HIVEP3: variants seen among roughly 807,000 people sequenced by gnomAD.
The protein encoded by HIVEP3 is HIVEP zinc finger 3.
A neutral mutation model predicts 152.8 loss-of-function variants in HIVEP3; 49 were observed. That is an observed-to-expected ratio of 0.32 (90% CI 0.26 to 0.41). The LOEUF is 0.41. Among genes scored for constraint, HIVEP3 ranks in the 10% least tolerant of loss-of-function variants. The probability of loss-of-function intolerance (pLI) is 1.00; values close to 1 mark genes in which losing one functional copy is unlikely to be tolerated. For synonymous variants in HIVEP3, 1,269 were observed against 1,289.0 expected (o/e 0.98, Z 0.33); for missense variants, 2,790 against 3,103.3 (o/e 0.90, Z 2.40).
chr1:41,722,087 C>T lies in HIVEP3; in HGVS notation c.-800-21092G>A, dbSNP rs540885125. On this transcript the variant is annotated intron_variant, in intron 1 of 8. Coordinates refer to ENST00000372583, the MANE Select transcript of HIVEP3 (RefSeq NM_024503.5). ...CCAAGCAGGCTGCCCCTACCCCTGCCCCTGGGATCTCTACCTCCCCACCTG... is the reference window on the plus strand; with the variant it reads ...CCAAGCAGGCTGCCCCTACCCCTGCTCCTGGGATCTCTACCTCCCCACCTG... Among the ~76,000 whole-genome samples, 15 of 152,294 alleles carry T rather than the reference C, an allele frequency of 9.8e-5. No homozygotes were observed. In the South Asian group the frequency reaches 3.1e-3, roughly 32 times the overall value.
chr1:41,871,936 T>A (rs1644087656), intron 1 of HIVEP3, among the ~76,000 whole-genome samples: 1 of 152,216 alleles, frequency 6.6e-6, no homozygotes, highest in African/African-American at 2.4e-5. Flanking sequence ...ATTTTATATG[T>A]TAGTTTTCCT....
At chr1:41,555,987 G>C (rs1643960133) in intron 5 of HIVEP3, among the ~76,000 whole-genome samples, 1 of 152,132 alleles carries the variant, frequency 6.6e-6, no homozygotes, top group Non-Finnish European at 1.5e-5. Flanking sequence ...AAGGTTGAGT[G>C]GTATTTCATT....
chr1:41,676,698 T>G (rs897252997), intron 2 of HIVEP3, among the ~76,000 whole-genome samples: 1 of 152,232 alleles, frequency 6.6e-6, no homozygotes, highest in Non-Finnish European at 1.5e-5. Flanking sequence ...CTCAGGAAAC[T>G]GCCCCCCAAC....
At chr1:41,638,167 T>C (rs1475415087) in intron 2 of HIVEP3, among the ~76,000 whole-genome samples, 2 of 151,112 alleles carry the variant, frequency 1.3e-5, no homozygotes, top group African/African-American at 4.9e-5. Context: ...AATATATCCA[T>C]GTAACAAAAT....
At chr1:41,623,906 G>A (rs746229629) in intron 3 of HIVEP3, among the ~76,000 whole-genome samples, 129 of 143,504 alleles carry the variant, frequency 9.0e-4, no homozygotes, top group Non-Finnish European at 1.7e-3. Flanking sequence ...GCCGATCAGA[G>A]TGACGTGTAT....
At chr1:41,565,326 G>C (rs1445539648) in intron 5 of HIVEP3, among the ~76,000 whole-genome samples, 6 of 151,596 alleles carry the variant, frequency 4.0e-5, no homozygotes, top group Non-Finnish European at 8.8e-5. Context: ...ACATTATGTA[G>C]AGATATGGCA....
chr1:41,805,383 A>G (rs576315528), intron 1 of HIVEP3, among the ~76,000 whole-genome samples: 4 of 152,352 alleles, frequency 2.6e-5, no homozygotes, highest in African/African-American at 9.6e-5. Flanking sequence ...ACAATTTTTA[A>G]TATTCCAATT....
chr1:41,878,039 C>A (rs1644198670), intron 1 of HIVEP3, among the ~76,000 whole-genome samples: 1 of 152,178 alleles, frequency 6.6e-6, no homozygotes, highest in African/African-American at 2.4e-5. Flanking sequence ...ACTATTCCTG[C>A]ATATGAGATT....
intron 5 of HIVEP3, chr1:41,535,433 TG>T (rs1354398223): frequency 1.3e-5 from 2 of 152,242 alleles, no homozygotes; most frequent in African/African-American, 4.8e-5. Context: ...GGCAGCCCTT[TG>T]GAGGCCTACG....
At position 41,935,240 on chromosome 1, in the gene HIVEP3, G is replaced by C. The variant is rs144938097; in HGVS notation, n.120-16716C>G. ...AACTCAGTGAGAGAAGTGGGACTCA[G>C]AGGGACTAAGAAACTCGTCAAATCC... On this transcript the variant is annotated intron_variant and non_coding_transcript_variant, in intron 1 of 3. Transcript: ENST00000489103. Among the ~76,000 whole-genome samples, 310 of 152,244 alleles carry C rather than the reference G, an allele frequency of 2.0e-3. 1 individual carries two copies. The highest frequency in any genetic ancestry group is 7.0e-3 in the African/African-American group (289 of 41,558).
intron 3 of HIVEP3, among the ~76,000 whole-genome samples, chr1:41,592,428 C>G (rs946149029): frequency 6.6e-6 from 1 of 152,210 alleles, no homozygotes; most frequent in African/African-American, 2.4e-5. Flanking sequence ...AAAATACTGG[C>G]CACATTTCCT....
chr1:41,735,389 C>G (rs1040892019), intron 1 of HIVEP3, among the ~76,000 whole-genome samples: 1 of 152,212 alleles, frequency 6.6e-6, no homozygotes, highest in Non-Finnish European at 1.5e-5. Context: ...CTTCTCACAT[C>G]TGATTGAATC....
chr1:42,028,524 G>A (rs1645594817), intron 1 of HIVEP3, among the ~76,000 whole-genome samples: 1 of 152,038 alleles, frequency 6.6e-6, no homozygotes, highest in Non-Finnish European at 1.5e-5. Flanking sequence ...CCTGCCTGAG[G>A]CTCCTCAGCT....
chr1:41,712,932 A>G (rs1393403441), intron 1 of HIVEP3, among the ~76,000 whole-genome samples: 1 of 152,210 alleles, frequency 6.6e-6, no homozygotes, highest in African/African-American at 2.4e-5. Flanking sequence ...GCCTCCTGAC[A>G]CAGCGGGGCA....
In HIVEP3 at chr1:41,888,037, CTTTTTT is replaced by C. The variant is rs759423194; in HGVS notation, c.-801+30370_-801+30375del. ...GGCTCTACTGTTAAGCCCAGCTGAA[CTTTTTT>C]TTTTTTTTTTTTTTGAGACTGAGTC... On this transcript the variant is annotated intron_variant, in intron 1 of 8. Coordinates refer to ENST00000372583, the MANE Select transcript of HIVEP3 (RefSeq NM_024503.5). Among the ~76,000 whole-genome samples the C allele has an allele frequency of 2.8e-4, 34 of 121,304 alleles. No homozygotes were observed. In the East Asian group the frequency reaches 8.0e-3, roughly 29 times the overall value. 79.6% of individuals were successfully genotyped at this position (121,304 alleles called of 152,430 possible).
intron 1 of HIVEP3, among the ~76,000 whole-genome samples, chr1:41,740,119 T>C (rs1443133390): frequency 6.6e-6 from 1 of 152,210 alleles, no homozygotes; most frequent in African/African-American, 2.4e-5. Context: ...GGTCTCCCCA[T>C]ACTCAACCTA....
At position 41,581,007 on chromosome 1, in the gene HIVEP3, C is replaced by G; in HGVS notation, c.3791G>C (p.Ser1264Thr). ...VESHLPQIKT[S>T]LAPLATGSAG... is the part of the protein sequence containing the mutation. ...ACTTCCTGTTGCCAGTGGGGCCAGG[C>G]TGGTTTTGATCTGGGGCAGATGGCT... The change falls in exon 4 of 9, where the codon AGC becomes ACC. Residue 1264 changes from serine (S) to threonine (T), a missense_variant. Around this residue, in one of 9 missense-constraint regions of HIVEP3, gnomAD observed 1,078 missense variants for 1,165.3 expected, o/e 0.93. Coordinates refer to ENST00000372583, the MANE Select transcript of HIVEP3 (RefSeq NM_024503.5). The surrounding 1 kb of genome is among the most constrained non-coding windows in gnomAD (Gnocchi z 4.5). 1.3e-6 allele frequency: 2 copies of G among 1,568,796 alleles called. No individual in the cohort carries two copies. The highest frequency in any genetic ancestry group is 1.7e-6 in the Non-Finnish European group (2 of 1,157,012).
chr1:41,551,408 G>T (rs1643892946), intron 5 of HIVEP3, among the ~76,000 whole-genome samples: 1 of 152,102 alleles, frequency 6.6e-6, no homozygotes, highest in African/African-American at 2.4e-5. Context: ...GAGTTAGGGA[G>T]GATTCCTTCT....
intron 1 of HIVEP3, among the ~76,000 whole-genome samples, chr1:42,016,211 C>T (rs1190661422): frequency 6.6e-6 from 1 of 152,128 alleles, no homozygotes; most frequent in Non-Finnish European, 1.5e-5. Context: ...TCTCTATGTG[C>T]TCCTCATTGT....
Sources: allele counts gnomAD v4.1 joint callset (sites outside exome capture counted in the v4.1 genomes callset), GRCh38; gene constraint gnomAD v4.1.1; regional missense constraint gnomAD v4.1.1; non-coding constraint Gnocchi (gnomAD v3.1); transcripts MANE v1.5; gene names NCBI Gene and HGNC (gene_info 2026-07-23, HGNC 2026-07-21).